KIF13A: variants seen among roughly 807,000 people sequenced by gnomAD.
The protein encoded by KIF13A is kinesin-like protein KIF13A.
In KIF13A, 79 loss-of-function variants were observed where a neutral mutation model predicts 212.2. The observed-to-expected ratio is 0.37, with a 90% confidence interval of 0.31 to 0.45. KIF13A has a LOEUF of 0.45. Ranked by LOEUF, KIF13A falls within the 20% of genes least tolerant of loss-of-function variation. The pLI, the probability that KIF13A is intolerant of heterozygous loss-of-function variation, is 1.00. For missense variants in KIF13A, 1,901 were observed against 2,209.0 expected, an observed-to-expected ratio of 0.86 and a Z score of 2.79; for synonymous variants, 789 against 808.6, an observed-to-expected ratio of 0.98 and a Z score of 0.41.
intron 2 of KIF13A, among the ~76,000 whole-genome samples, chr6:17,939,791 G>A: frequency 6.6e-6 from 1 of 152,068 alleles, no homozygotes. Context: ...AGTGGCTCAC[G>A]CTTCTAATCC....
chr6:17,924,977 A>G (rs540463962), intron 2 of KIF13A, among the ~76,000 whole-genome samples: 7 of 152,332 alleles, frequency 4.6e-5, no homozygotes, highest in Admixed American at 2.0e-4. Context: ...AGACAGATGG[A>G]TATAGTCCTA....
intron 13 of KIF13A, 136 bp downstream of exon 13, chr6:17,830,965 G>A (rs753276309): frequency 1.4e-6 from 1 of 713,740 alleles, no homozygotes; most frequent in East Asian, 2.6e-5. Context: ...GGTGATCGGA[G>A]GGCACTATCC....
chr6:17,798,651 G>C (rs1762236616), intron 22 of KIF13A, among the ~76,000 whole-genome samples: 2 of 152,180 alleles, frequency 1.3e-5, no homozygotes, highest in Non-Finnish European at 2.9e-5. Flanking sequence ...GGATGGAGCT[G>C]GTCTTTTAGA....
At chr6:17,763,475 C>CTCA (rs778043166), downstream of KIF13A, among the ~76,000 whole-genome samples, 1 of 75,772 alleles carries the variant, frequency 1.3e-5, no homozygotes, top group Non-Finnish European at 2.4e-5. Flanking sequence ...CACTCCATCT[C>CTCA]AAAAAAAAAA....
intron 17 of KIF13A, among the ~76,000 whole-genome samples, chr6:17,815,385 C>G (rs1201256477): frequency 2.0e-5 from 3 of 152,158 alleles, no homozygotes; most frequent in Non-Finnish European, 4.4e-5. Context: ...TCTCTAACTC[C>G]CCCGGGAAAA....
In KIF13A at chr6:17,819,994, C is replaced by T. The variant is rs564120836; in HGVS notation, c.1787-2761G>A. Among the ~76,000 whole-genome samples the T allele has an allele frequency of 7.9e-5, 12 of 152,068 alleles. No homozygotes were observed. The South Asian group carries it at 2.5e-3, about 32-fold the overall frequency. On this transcript the variant is annotated intron_variant, in intron 16 of 38. Transcript: ENST00000259711. ...GAAAACACACCGTTTTATAAAACTGCATTATAGGGTTTTTGCTACGAGATA... is the reference window on the plus strand; with the variant it reads ...GAAAACACACCGTTTTATAAAACTGTATTATAGGGTTTTTGCTACGAGATA...
chr6:17,946,882 C>T (rs923574641), intron 2 of KIF13A, among the ~76,000 whole-genome samples: 2 of 152,212 alleles, frequency 1.3e-5, no homozygotes, highest in African/African-American at 4.8e-5. Flanking sequence ...CAGCTACGTG[C>T]ATCAACACGG....
chr6:17,796,755 T>C lies in KIF13A; in HGVS notation c.2856A>G (p.Glu952=). ...TTCCAGCACACCGGTGGCCCCATAC[T>C]TCAATGGCCAGTGCTCCATCTGAAA... The part of the protein sequence containing the change: ...EFISDGALAI[E]VWGHRCAGNG... Residue 952 remains glutamate (E), a synonymous_variant, in exon 23 of 39, where the codon GAA becomes GAG. Transcript: ENST00000259711. The C allele has an allele frequency of 6.3e-7, 1 of 1,590,760 alleles. No homozygotes were observed. Among genetic ancestry groups the C allele is most frequent in the Non-Finnish European group, 8.6e-7 (1 of 1,167,306 alleles).
rs1357801242 is a variant in KIF13A, at chr6:17,963,918, G to A, written c.146+23136C>T. On this transcript the variant is annotated intron_variant, in intron 2 of 38. Coordinates refer to ENST00000259711, the MANE Select transcript of KIF13A (RefSeq NM_022113.6). The surrounding 1 kb of genome is among the most constrained non-coding windows in gnomAD (Gnocchi z 4.1). ...GGCATATGCAACTGTAAAAACTCAA[G>A]AAAGTGTACCCTTAAAATGGGTGCA... 1.3e-5 allele frequency among the ~76,000 whole-genome samples: 2 copies of A among 152,188 alleles called. No homozygotes were observed. Among genetic ancestry groups the A allele is most frequent in the Non-Finnish European group, 2.9e-5 (2 of 68,022 alleles).
downstream of KIF13A, among the ~76,000 whole-genome samples, chr6:17,762,068 A>G (rs1758611023): frequency 6.6e-6 from 1 of 152,080 alleles, no homozygotes. Flanking sequence ...AAAAATTTTA[A>G]TTTTTAAAAT....
intron 3 of KIF13A, among the ~76,000 whole-genome samples, chr6:17,889,641 G>A (rs558044608): frequency 6.6e-6 from 1 of 152,214 alleles, no homozygotes; most frequent in South Asian, 2.1e-4. Flanking sequence ...ATCATATGAT[G>A]TCAAAGAAAA....
chr6:17,903,180 T>C (rs1234994199), intron 2 of KIF13A, among the ~76,000 whole-genome samples: 1 of 152,226 alleles, frequency 6.6e-6, no homozygotes, highest in African/African-American at 2.4e-5. Context: ...AATTGAGAAA[T>C]GCTGCTGAAC....
chr6:17,922,796 TA>T (rs900655413), intron 2 of KIF13A, among the ~76,000 whole-genome samples: 25 of 149,964 alleles, frequency 1.7e-4, no homozygotes, highest in African/African-American at 3.9e-4. Context: ...TTTTTTTAAT[TA>T]AAAAAAAATA....
At chr6:17,986,113 A>G (rs1019444484) in intron 2 of KIF13A, among the ~76,000 whole-genome samples, 7 of 152,238 alleles carry the variant, frequency 4.6e-5, no homozygotes, top group Admixed American at 2.0e-4. Context: ...GAAATTCACT[A>G]AATTGTATTC....
intron 38 of KIF13A, 138 bp downstream of exon 38, chr6:17,770,976 C>T: frequency 1.6e-6 from 1 of 607,032 alleles, no homozygotes; most frequent in African/African-American, 1.9e-5. Flanking sequence ...AATATCATTA[C>T]CAATGGTCAC....
rs1765177571 is a variant in KIF13A at position 17,828,651 on chromosome 6, G to A, written c.1402-281C>T. ...TGGACTTGACAGTAGAATACTTTGA[G>A]TTTCAATTGTGACTTGACCACGGGG... is the stretch of plus-strand genomic sequence containing the variant. On this transcript the variant is annotated intron_variant, in intron 13 of 38. Coordinates refer to ENST00000259711, the MANE Select transcript of KIF13A (RefSeq NM_022113.6). This position sits in a 1 kb window ranked among gnomAD's most constrained non-coding sequence, Gnocchi z 4.3. Among the ~76,000 whole-genome samples the A allele has an allele frequency of 6.6e-6, 1 of 152,134 alleles. No homozygotes were observed. The highest frequency in any genetic ancestry group is 1.9e-4 in the East Asian group (1 of 5,200).
intron 17 of KIF13A, among the ~76,000 whole-genome samples, chr6:17,813,189 GTAACA>G (rs963518283): frequency 1.3e-5 from 2 of 152,140 alleles, no homozygotes; most frequent in African/African-American, 4.8e-5. Context: ...AGTATAAAAA[GTAACA>G]TAACATCTGG....
intron 2 of KIF13A, among the ~76,000 whole-genome samples, chr6:17,986,074 T>C (rs1781527771): frequency 6.6e-6 from 1 of 152,176 alleles, no homozygotes; most frequent in South Asian, 2.1e-4. Flanking sequence ...TGCTTCAGAG[T>C]CTCTCTTCAG....
At chr6:17,973,039 T>C (rs1023439292) in intron 2 of KIF13A, among the ~76,000 whole-genome samples, 2 of 152,104 alleles carry the variant, frequency 1.3e-5, no homozygotes. Flanking sequence ...CACACTAACC[T>C]GAGTTCATCC....
Sources: allele counts gnomAD v4.1 joint callset (sites outside exome capture counted in the v4.1 genomes callset), GRCh38; gene constraint gnomAD v4.1.1; non-coding constraint Gnocchi (gnomAD v3.1); transcripts MANE v1.5; gene names NCBI Gene and HGNC (gene_info 2026-07-23, HGNC 2026-07-21).